Variants in FSTL1 observed in about 807,000 individuals in gnomAD.
FSTL1 encodes the protein follistatin like 1.
Under a neutral mutation model 45.9 loss-of-function variants are expected in FSTL1, and 24 were observed. That is an observed-to-expected ratio of 0.52 (90% CI 0.38 to 0.74). The LOEUF is 0.74. Among genes scored for constraint, FSTL1 ranks in the 30% least tolerant of loss-of-function variants. The pLI is 0.00. For missense variants in FSTL1, 340 were observed against 381.8 expected, an observed-to-expected ratio of 0.89 and a Z score of 0.91; for synonymous variants, 120 against 137.6, an observed-to-expected ratio of 0.87 and a Z score of 0.89.
rs1936922976 is a variant in FSTL1, at chr3:120,405,107, T to C, written c.463-136A>G. 6 of 617,738 alleles carry C rather than the reference T, an allele frequency of 9.7e-6. No homozygotes were observed. In the South Asian group the frequency reaches 1.1e-4, roughly 12 times the overall value. 38.3% of individuals were successfully genotyped at this position (617,738 alleles called of 1,614,324 possible). ...ACCCTGCCCTGACCTCAGAGGGCCT[T>C]GGCAACAAATGCTCTAATCCCTGGG... is the stretch of plus-strand genomic sequence containing the variant. On this transcript the variant is annotated intron_variant, in intron 6 of 10. Coordinates refer to ENST00000295633, the MANE Select transcript of FSTL1 (RefSeq NM_007085.5).
Position 120,400,831 on chromosome 3 carries a change from A to G in FSTL1, c.806-872T>C, listed in dbSNP as rs764374502. Among the ~76,000 whole-genome samples the G allele has an allele frequency of 5.6e-4, 86 of 152,268 alleles. No homozygotes were observed. The Middle Eastern group carries it at 0.01, about 18-fold the overall frequency. ...CTCCTCTTAGATCCACGGCCTACAC[A>G]TCCATACGTGCTCAGGCCCCTGGGG... On this transcript the variant is annotated intron_variant, in intron 9 of 10. Coordinates refer to ENST00000295633, the MANE Select transcript of FSTL1 (RefSeq NM_007085.5).
intron 9 of FSTL1, 44 bp from the exon 10 acceptor site, chr3:120,400,003 G>T (rs1355185583): frequency 7.5e-7 from 1 of 1,330,900 alleles, no homozygotes. Context: ...GCTGTGGTAA[G>T]CCAGTGAGGA....
At chr3:120,442,131 C>A (rs1937635620) in intron 2 of FSTL1, among the ~76,000 whole-genome samples, 1 of 152,166 alleles carries the variant, frequency 6.6e-6, no homozygotes, top group Non-Finnish European at 1.5e-5. Context: ...TCATCTCTTG[C>A]AGGTATTTGT....
chr3:120,410,932 T>C lies in FSTL1; in HGVS notation c.331+20A>G, dbSNP rs752937788. The C allele has an allele frequency of 6.3e-7, 1 of 1,582,964 alleles. No homozygotes were observed. Among genetic ancestry groups the C allele is most frequent in the South Asian group, 1.1e-5 (1 of 90,394 alleles). ...AATGTCCTCCCTGAGATGCACACAG[T>C]AGAAAAAATAGGCACTCACCTGGGC... On this transcript the variant is annotated intron_variant, in intron 5 of 10. Coordinates refer to ENST00000295633, the MANE Select transcript of FSTL1 (RefSeq NM_007085.5).
At chr3:120,429,986 G>A (rs2107665662) in intron 2 of FSTL1, among the ~76,000 whole-genome samples, 1 of 152,298 alleles carries the variant, frequency 6.6e-6, no homozygotes, top group East Asian at 1.9e-4. Flanking sequence ...GTGGTTTCCA[G>A]GAGTGCATTC....
At chr3:120,420,979 T>C (rs1937267482) in intron 2 of FSTL1, among the ~76,000 whole-genome samples, 1 of 152,226 alleles carries the variant, frequency 6.6e-6, no homozygotes, top group Admixed American at 6.5e-5. Context: ...AAAAGATCTT[T>C]GCAAGCAAAT....
chr3:120,441,337 A>C (rs909095378), intron 2 of FSTL1: 8 of 151,970 alleles, frequency 5.3e-5, no homozygotes, highest in African/African-American at 1.7e-4. Context: ...CTTTAGGGAG[A>C]ACCTATGCTG....
chr3:120,403,920 C>CAAAAAAAAAAA (rs34145564), intron 7 of FSTL1, among the ~76,000 whole-genome samples: 96 of 52,054 alleles, frequency 1.8e-3, no homozygotes, highest in Non-Finnish European at 2.6e-3. Flanking sequence ...GACTCCGTCT[C>CAAAAAAAAAAA]AAAAAAAAAA....
intron 2 of FSTL1, chr3:120,423,535 G>A (rs80080335): frequency 2.2e-4 from 33 of 152,230 alleles, no homozygotes; most frequent in African/African-American, 7.0e-4. Context: ...TTGCACTGAG[G>A]AGACTGTGAC....
In FSTL1 at chr3:120,412,842, A is replaced by G. The variant is rs201648480; in HGVS notation, c.169-859T>C. 7.4e-3 allele frequency among the ~76,000 whole-genome samples: 935 copies of G among 126,160 alleles called. 4 individuals are homozygous for G. Among genetic ancestry groups the G allele is most frequent in the Middle Eastern group, 0.016 (4 of 252 alleles). The allele number at this position is 126,160 out of a possible 152,430, so 82.8% of individuals were successfully genotyped here. A position where few individuals can be genotyped will look rare whatever the true frequency, so the allele number is the denominator to read the frequency against. The stretch of plus-strand genomic sequence containing the variant: ...TGTGCGCGCGCGCGCGCGCGCGCAC[A>G]CACACACACACACACACACACACAC... On this transcript the variant is annotated intron_variant, in intron 3 of 10. Transcript: ENST00000295633.
Position 120,415,943 on chromosome 3 carries a change from G to T in FSTL1, c.148C>A (p.Pro50Thr), listed in dbSNP as rs1321278514. 10 of 1,609,868 alleles carry T rather than the reference G, an allele frequency of 6.2e-6. No individual in the cohort carries two copies. Among genetic ancestry groups the T allele is most frequent in the Non-Finnish European group, 8.5e-6 (10 of 1,176,200 alleles). ...RECAVTEKGE[P>T]TCLCIEQCKP... ...CTTACCTCAATGCAGAGACAGGTGG[G>T]TTCCCCTTTCTCTGTGACTGCACAT... is the stretch of plus-strand genomic sequence containing the variant. The change falls in exon 3 of 11, where the codon CCC (proline) becomes ACC (threonine). Residue 50 changes from proline (P) to threonine (T), a missense_variant. Physicochemically the swap from Pro to Thr is conservative, Grantham distance 38 (BLOSUM62 -1). Transcript: ENST00000295633.
At chr3:120,436,249 A>G (rs1937557038) in intron 2 of FSTL1, among the ~76,000 whole-genome samples, 1 of 152,210 alleles carries the variant, frequency 6.6e-6, no homozygotes, top group South Asian at 2.1e-4. Context: ...ATGGTCCACA[A>G]GTAGCTTGGG....
At chr3:120,416,164 G>A in intron 2 of FSTL1, 137 bp from the exon 3 acceptor site, 1 of 676,300 alleles carries the variant, frequency 1.5e-6, no homozygotes, top group South Asian at 1.8e-5. Context: ...TAGATGTTGG[G>A]TCTTAAACAG....
chr3:120,448,580 CCTCA>C (rs1485423213), intron 2 of FSTL1, among the ~76,000 whole-genome samples: 1 of 152,162 alleles, frequency 6.6e-6, no homozygotes, highest in Non-Finnish European at 1.5e-5. Context: ...CATACCTACC[CCTCA>C]CTCTTTTCAT....
intron 2 of FSTL1, among the ~76,000 whole-genome samples, chr3:120,436,987 G>T (rs1733306): frequency 0.58 from 88,332 of 151,890 alleles, 28,792 homozygotes; most frequent in East Asian, 0.76. Context: ...AGGGAACTCA[G>T]TATGTCTGAG....
chr3:120,420,702 C>A (rs1937261425), intron 2 of FSTL1, among the ~76,000 whole-genome samples: 1 of 152,208 alleles, frequency 6.6e-6, no homozygotes, highest in Non-Finnish European at 1.5e-5. Context: ...ATTTTACTGT[C>A]ATTTTTGATT....
intron 3 of FSTL1, 122 bp downstream of exon 3, chr3:120,415,801 G>T (rs1428740785): frequency 9.1e-6 from 5 of 549,202 alleles, no homozygotes; most frequent in East Asian, 2.9e-5. Flanking sequence ...CGTTTTTCAG[G>T]GGGATGAAGA....
In FSTL1 at chr3:120,410,888, A is replaced by G. The variant is rs777125487; in HGVS notation, c.331+64T>C. 5.3e-6 allele frequency: 7 copies of G among 1,324,762 alleles called. No individual in the cohort carries two copies. In the East Asian group the frequency reaches 1.6e-4, roughly 30 times the overall value. The allele number at this position is 1,324,762 out of a possible 1,614,324, so 82.1% of individuals were successfully genotyped here. The stretch of plus-strand genomic sequence containing the variant: ...AGCTTGGCAGGGATTGTGGAACACA[A>G]AATTTCTATCATGAAAAGAATGTCC... On this transcript the variant is annotated intron_variant, in intron 5 of 10. Transcript: ENST00000295633.
intron 2 of FSTL1, among the ~76,000 whole-genome samples, chr3:120,434,319 G>C (rs907230016): frequency 2.6e-5 from 4 of 152,180 alleles, no homozygotes; most frequent in Non-Finnish European, 5.9e-5. Context: ...TTCTGGGTAG[G>C]TGTGCACATG....
Sources: gnomAD v4.1 joint callset for allele counts (sites outside exome capture counted in the v4.1 genomes callset) on GRCh38, gnomAD v4.1.1 for gene constraint, MANE v1.5 for transcripts, NCBI Gene and HGNC (gene_info 2026-07-23, HGNC 2026-07-21) for gene names.